The following ADGRL4 variants were observed in gnomAD, a reference collection of about 807,000 sequenced individuals.
ADGRL4 encodes EGF, latrophilin and seven transmembrane domain containing 1.
In ADGRL4, 90 loss-of-function variants were observed where a neutral mutation model predicts 74.8. The ratio of observed to expected loss-of-function variants is 1.20; its 90% CI spans 1.02 to 1.43. ADGRL4 has a LOEUF of 1.43. ADGRL4 is among the 40% of genes most tolerant of loss of function. The pLI, the probability that ADGRL4 is intolerant of heterozygous loss-of-function variation, is 0.00. For missense variants in ADGRL4, 881 were observed against 814.3 expected (o/e 1.08, Z -1.00); for synonymous variants, 311 against 279.2 (o/e 1.11, Z -1.14).
chr1:78,930,536 A>G (rs550594076), intron 7 of ADGRL4, among the ~76,000 whole-genome samples: 1 of 141,546 alleles, frequency 7.1e-6, no homozygotes, highest in African/African-American at 2.7e-5. Context: ...ACTGCAACCT[A>G]CATCTCCCCG....
chr1:78,999,821 T>TATCC (rs1200772962), intron 2 of ADGRL4, among the ~76,000 whole-genome samples: 7 of 149,734 alleles, frequency 4.7e-5, no homozygotes, highest in South Asian at 2.1e-4. Context: ...TCTATCTATC[T>TATCC]ATCTATCTAT....
chr1:78,995,236 A>G (rs926251087), intron 2 of ADGRL4, among the ~76,000 whole-genome samples: 1 of 152,220 alleles, frequency 6.6e-6, no homozygotes, highest in Non-Finnish European at 1.5e-5. Flanking sequence ...CTCACTGATC[A>G]TATGACATTT....
chr1:78,915,391 G>A (rs761893952), intron 12 of ADGRL4, among the ~76,000 whole-genome samples: 2 of 151,914 alleles, frequency 1.3e-5, no homozygotes, highest in African/African-American at 2.4e-5. Flanking sequence ...TTCTAGCAAT[G>A]TGAGATCAGG....
Position 78,927,100 on chromosome 1 carries a change from C to A in ADGRL4, c.878-9G>T. 1 of 1,513,852 alleles carries A rather than the reference C, an allele frequency of 6.6e-7. No individual in the cohort carries two copies. Among genetic ancestry groups the A allele is most frequent in the South Asian group, 1.1e-5 (1 of 88,030 alleles). 93.8% of individuals were successfully genotyped at this position (1,513,852 alleles called of 1,614,324 possible). ...TGCAACTGCAACATTGCCTATCAATCAAATAAGTATATTTAGTGAAATTCT... is the reference window on the plus strand; with the variant it reads ...TGCAACTGCAACATTGCCTATCAATAAAATAAGTATATTTAGTGAAATTCT... On this transcript the variant is annotated splice_polypyrimidine_tract_variant and intron_variant, in intron 7 of 14. Coordinates refer to ENST00000370742, the MANE Select transcript of ADGRL4 (RefSeq NM_022159.4).
chr1:78,944,523 A>G (rs1272687632), intron 3 of ADGRL4, among the ~76,000 whole-genome samples: 1 of 152,196 alleles, frequency 6.6e-6, no homozygotes, highest in Non-Finnish European at 1.5e-5. Context: ...TTTTTTCTAG[A>G]AACACTAAAG....
intron 12 of ADGRL4, among the ~76,000 whole-genome samples, chr1:78,904,248 G>A (rs976877047): frequency 1.3e-5 from 2 of 151,674 alleles, no homozygotes; most frequent in Admixed American, 1.3e-4. Flanking sequence ...TAATGTGAAA[G>A]TACAGATTTA....
chr1:78,891,335 G>T, intron 14 of ADGRL4, 119 bp from the exon 15 acceptor site: 1 of 1,249,720 alleles, frequency 8.0e-7, no homozygotes, highest in Non-Finnish European at 1.1e-6. Context: ...CTCAGAATAT[G>T]TCCATTTAAG....
intron 7 of ADGRL4, among the ~76,000 whole-genome samples, chr1:78,934,026 T>C (rs1182728848): frequency 6.6e-6 from 1 of 151,612 alleles, no homozygotes; most frequent in African/African-American, 2.4e-5. Flanking sequence ...TATAGATTCA[T>C]GCTATTCAAA....
At chr1:78,937,211 G>A (rs1649372716) in intron 6 of ADGRL4, among the ~76,000 whole-genome samples, 1 of 152,174 alleles carries the variant, frequency 6.6e-6, no homozygotes, top group Admixed American at 6.5e-5. Flanking sequence ...TTAGGAGACC[G>A]AGGCAAGTGG....
At chr1:78,938,970 C>T (rs1649417482) in intron 4 of ADGRL4, among the ~76,000 whole-genome samples, 1 of 151,976 alleles carries the variant, frequency 6.6e-6, no homozygotes, top group African/African-American at 2.4e-5. Context: ...GAAAATGTAG[C>T]ATATGAAATA....
At chr1:78,898,665 GA>G (rs1226979386) in intron 12 of ADGRL4, among the ~76,000 whole-genome samples, 2 of 151,752 alleles carry the variant, frequency 1.3e-5, no homozygotes, top group African/African-American at 4.8e-5. Flanking sequence ...TAGCTGTGAA[GA>G]AAAAAAGTCA....
chr1:78,959,286 A>C (rs1649894798), intron 2 of ADGRL4, among the ~76,000 whole-genome samples: 1 of 152,196 alleles, frequency 6.6e-6, no homozygotes, highest in African/African-American at 2.4e-5. Context: ...CTTTACTAAT[A>C]ATCAAAGAAA....
intron 2 of ADGRL4, among the ~76,000 whole-genome samples, chr1:78,952,430 C>G (rs1449054752): frequency 6.9e-6 from 1 of 145,902 alleles, no homozygotes; most frequent in Non-Finnish European, 1.5e-5. Context: ...CTATAAGGAA[C>G]TTTAAAAGAT....
At chr1:78,900,004 AT>A (rs1239634522) in intron 12 of ADGRL4, among the ~76,000 whole-genome samples, 1 of 152,180 alleles carries the variant, frequency 6.6e-6, no homozygotes, top group Non-Finnish European at 1.5e-5. Flanking sequence ...GTTGAGCCCA[AT>A]ATAATCACAT....
Position 78,899,543 on chromosome 1 carries a change from T to C in ADGRL4, c.1750-6354A>G, listed in dbSNP as rs960810885. 7.2e-5 allele frequency among the ~76,000 whole-genome samples: 11 copies of C among 152,152 alleles called. No individual in the cohort carries two copies. The East Asian group carries it at 1.7e-3, about 24-fold the overall frequency. ...TAATTTTTTGTATTTTAAGTAGAGATGGGGTTTCGCCATATTGCCCAAGCT... is the reference window on the plus strand; with the variant it reads ...TAATTTTTTGTATTTTAAGTAGAGACGGGGTTTCGCCATATTGCCCAAGCT... On this transcript the variant is annotated intron_variant, in intron 12 of 14. Transcript: ENST00000370742.
intron 2 of ADGRL4, among the ~76,000 whole-genome samples, chr1:78,957,755 AT>A (rs1649865209): frequency 6.6e-6 from 1 of 152,210 alleles, no homozygotes. Flanking sequence ...GGCTAAGATA[AT>A]TGTTAAAAGT....
intron 2 of ADGRL4, among the ~76,000 whole-genome samples, chr1:78,967,957 C>A (rs573590113): frequency 6.6e-6 from 1 of 151,804 alleles, no homozygotes; most frequent in Non-Finnish European, 1.5e-5. Flanking sequence ...TTTCTTGACA[C>A]CTGGCTTTTC....
intron 12 of ADGRL4, among the ~76,000 whole-genome samples, chr1:78,893,891 C>A (rs1648340831): frequency 6.6e-6 from 1 of 151,720 alleles, no homozygotes; most frequent in South Asian, 2.1e-4. Flanking sequence ...GAAAAGTTGC[C>A]TCTTATTTTC....
Position 79,004,955 on chromosome 1 carries a change from G to A in ADGRL4, c.172+115C>T. The A allele has an allele frequency of 1.0e-5, 9 of 873,532 alleles. No homozygotes were observed. The South Asian group carries it at 2.6e-4, about 25-fold the overall frequency. 54.1% of individuals were successfully genotyped at this position (873,532 alleles called of 1,614,324 possible). On this transcript the variant is annotated intron_variant, in intron 2 of 14. Coordinates refer to ENST00000370742, the MANE Select transcript of ADGRL4 (RefSeq NM_022159.4). ...TAGCTACTTACGCGTTTTTTAAATA[G>A]TATGAAATTAAACAGTATAACACAA...
Sources: gnomAD v4.1 joint callset for allele counts (sites outside exome capture counted in the v4.1 genomes callset) on GRCh38, gnomAD v4.1.1 for gene constraint, MANE v1.5 for transcripts, NCBI Gene and HGNC (gene_info 2026-07-23, HGNC 2026-07-21) for gene names.